The following PAH variants were observed in gnomAD, a reference collection of about 807,000 sequenced individuals.
PAH encodes phenylalanine hydroxylase, also known as phenylalanine-4-hydroxylase.
Under a neutral mutation model 62.0 loss-of-function variants are expected in PAH, and 64 were observed. That is an observed-to-expected ratio of 1.03 (90% CI 0.84 to 1.27). The LOEUF is 1.27. PAH is among the 50% of genes most tolerant of loss of function. PAH has a pLI of 0.00. For synonymous variants in PAH, 195 were observed against 196.2 expected, an observed-to-expected ratio of 0.99 and a Z score of 0.05; for missense variants, 579 against 542.8, an observed-to-expected ratio of 1.07 and a Z score of -0.66.
At chr12:102,861,362 A>T (rs957139247) in intron 5 of PAH, among the ~76,000 whole-genome samples, 11 of 152,202 alleles carry the variant, frequency 7.2e-5, no homozygotes, top group Admixed American at 3.9e-4. Flanking sequence ...GAGAAATAGG[A>T]ACACTTTTAT....
chr12:102,847,100 C>T, intron 8 of PAH, 149 bp from the exon 9 acceptor site: 1 of 695,922 alleles, frequency 1.4e-6, no homozygotes, highest in Non-Finnish European at 2.6e-6. Flanking sequence ...GTCTTTCCTG[C>T]CCATATGTTA....
intron 3 of PAH, among the ~76,000 whole-genome samples, chr12:102,892,271 C>G (rs1031119468): frequency 6.6e-6 from 1 of 152,166 alleles, no homozygotes; most frequent in Non-Finnish European, 1.5e-5. Flanking sequence ...TGGATCTTGT[C>G]TCATTTTAAA....
intron 1 of PAH, among the ~76,000 whole-genome samples, chr12:102,929,721 C>T (rs1878794235): frequency 6.6e-6 from 1 of 152,012 alleles, no homozygotes; most frequent in Non-Finnish European, 1.5e-5. Context: ...ATGCCTTGGA[C>T]TAAAGTGGTA....
At chr12:102,944,386 A>G (rs1022289127) in intron 1 of PAH, among the ~76,000 whole-genome samples, 1 of 152,124 alleles carries the variant, frequency 6.6e-6, no homozygotes, top group Admixed American at 6.5e-5. Context: ...TTTAAGGTCA[A>G]CAACTCTTAG....
chr12:102,914,605 T>C (rs760758905), intron 1 of PAH: 1 of 150,044 alleles, frequency 6.7e-6, no homozygotes, highest in Non-Finnish European at 1.5e-5. Context: ...CTGACTTAAG[T>C]CTTCTTCCTA....
intron 1 of PAH, among the ~76,000 whole-genome samples, chr12:102,936,793 A>T (rs1879115945): frequency 6.6e-6 from 1 of 152,064 alleles, no homozygotes; most frequent in South Asian, 2.1e-4. Context: ...TGTTTCTTGT[A>T]GGCAACAGAT....
At chr12:102,871,306 A>G (rs1876304560) in intron 4 of PAH, among the ~76,000 whole-genome samples, 1 of 152,138 alleles carries the variant, frequency 6.6e-6, no homozygotes, top group African/African-American at 2.4e-5. Context: ...TGGCCTTCCT[A>G]TGATGCTGCA....
At chr12:102,854,165 A>G (rs1460380273) in intron 6 of PAH, among the ~76,000 whole-genome samples, 1 of 152,142 alleles carries the variant, frequency 6.6e-6, no homozygotes, top group African/African-American at 2.4e-5. Context: ...TAAGAAGCAA[A>G]GACTTTCTAA....
At chr12:102,935,580 G>A (rs1444754010) in intron 1 of PAH, among the ~76,000 whole-genome samples, 2 of 151,960 alleles carry the variant, frequency 1.3e-5, no homozygotes, top group African/African-American at 2.4e-5. Context: ...ACTTGTTATT[G>A]GTCTGTTCAG....
At chr12:102,907,637 C>T (rs868302266) in intron 2 of PAH, among the ~76,000 whole-genome samples, 25 of 150,882 alleles carry the variant, frequency 1.7e-4, no homozygotes, top group East Asian at 7.8e-4. Flanking sequence ...AGGGAGGGGG[C>T]GGACAGAGTC....
intron 5 of PAH, among the ~76,000 whole-genome samples, chr12:102,862,037 G>A (rs1347399133): frequency 6.6e-6 from 1 of 150,480 alleles, no homozygotes; most frequent in Non-Finnish European, 1.5e-5. Flanking sequence ...ATTTGACCCA[G>A]CAATCCTATT....
intron 2 of PAH, among the ~76,000 whole-genome samples, chr12:102,906,937 A>G (rs764605970): frequency 7.9e-5 from 12 of 152,264 alleles, no homozygotes; most frequent in Non-Finnish European, 1.6e-4. Flanking sequence ...CTGGAAGGAA[A>G]TATGCTAAAC....
chr12:102,841,834 G>A (rs113342971), intron 11 of PAH, among the ~76,000 whole-genome samples: 142 of 152,222 alleles, frequency 9.3e-4, no homozygotes, highest in African/African-American at 2.9e-3. Flanking sequence ...GTCAGTATTC[G>A]GTGCCAGCCC....
At chr12:102,866,075 C>G (rs2173444) in intron 5 of PAH, among the ~76,000 whole-genome samples, 4,398 of 128,334 alleles carry the variant, frequency 0.034, 210 homozygotes, top group African/African-American at 0.12. Flanking sequence ...ACACAGAACC[C>G]CAGACAGGAA....
chr12:102,838,848 T>G lies in PAH; in HGVS notation c.*327A>C, dbSNP rs971502028. On this transcript the variant is annotated 3_prime_UTR_variant, in exon 13 of 13. Coordinates refer to ENST00000553106, the MANE Select transcript of PAH (RefSeq NM_000277.3). Reference sequence around the variant, plus strand: ...TCCTTTATGAGTTCTCTGCAAAGCATATATGAAGCTTGAATGAAGCAGGTC... The same window carrying G: ...TCCTTTATGAGTTCTCTGCAAAGCAGATATGAAGCTTGAATGAAGCAGGTC... 1 of 384,940 alleles carries G rather than the reference T, an allele frequency of 2.6e-6. No individual in the cohort carries two copies. The highest frequency in any genetic ancestry group is 4.8e-6 in the Non-Finnish European group (1 of 208,510). The allele number at this position is 384,940 out of a possible 1,614,324, so 23.8% of individuals were successfully genotyped here.
chr12:102,873,745 G>A (rs1876454414), intron 4 of PAH, among the ~76,000 whole-genome samples: 1 of 152,146 alleles, frequency 6.6e-6, no homozygotes. Flanking sequence ...ATAAGATAAT[G>A]TTGCTAGGTA....
At chr12:102,844,581 T>C (rs887124157) in intron 9 of PAH, 150 bp from the exon 10 acceptor site, 2 of 694,960 alleles carry the variant, frequency 2.9e-6, no homozygotes, top group Admixed American at 2.0e-5. Flanking sequence ...GGGATTGGCA[T>C]GTGAGTCAGT....
Position 102,926,842 on chromosome 12 carries a change from T to A in PAH, c.-95-9617A>T, listed in dbSNP as rs377368096. Among the ~76,000 whole-genome samples the A allele has an allele frequency of 3.4e-5, 5 of 147,990 alleles. No homozygotes were observed. In the East Asian group the frequency reaches 5.8e-4, roughly 17 times the overall value. The stretch of plus-strand genomic sequence containing the variant: ...CCATTGTATCTATGTGGTAGAAATA[T>A]GACATAATATGCTACTGTACCTCTC... On this transcript the variant is annotated intron_variant, in intron 1 of 3. Transcript: ENST00000546844.
chr12:102,842,456 AAAAG>A lies in PAH; in HGVS notation c.1199+1186_1199+1189del, dbSNP rs200077328. On this transcript the variant is annotated intron_variant, in intron 11 of 12. Transcript: ENST00000553106. ...ACATAAATTAAGGAATATCCATTTT[AAAAG>A]AAAGAAAGTTAGTCCTCTTTGAAGT... Among the ~76,000 whole-genome samples, 1,279 of 152,338 alleles carry A rather than the reference AAAAG, an allele frequency of 8.4e-3. 21 individuals carry two copies. The highest frequency in any genetic ancestry group is 0.029 in the African/African-American group (1,210 of 41,566).
Sources: allele counts gnomAD v4.1 joint callset (sites outside exome capture counted in the v4.1 genomes callset), GRCh38; gene constraint gnomAD v4.1.1; transcripts MANE v1.5; gene names NCBI Gene and HGNC (gene_info 2026-07-23, HGNC 2026-07-21).